Variants in XRCC4 observed in about 807,000 individuals in gnomAD.
The protein encoded by XRCC4 is X-ray repair cross complementing 4.
In XRCC4, 28 loss-of-function variants were observed where a neutral mutation model predicts 39.1. The ratio of observed to expected loss-of-function variants is 0.72; its 90% confidence interval spans 0.53 to 0.98. XRCC4 has a LOEUF of 0.98. Ranked by LOEUF, XRCC4 falls within the 50% of genes least tolerant of loss-of-function variation. The pLI, the probability that XRCC4 is intolerant of heterozygous loss-of-function variation, is 0.00. For missense variants in XRCC4, 350 were observed against 376.4 expected (o/e 0.93, Z 0.58); for synonymous variants, 123 against 126.4 (o/e 0.97, Z 0.18).
intron 7 of XRCC4, among the ~76,000 whole-genome samples, chr5:83,298,599 CT>C (rs36110580): frequency 0.16 from 24,288 of 151,812 alleles, 2,413 homozygotes; most frequent in Non-Finnish European, 0.23. Context: ...TACTTTTCTA[CT>C]TTATGTGTCC....
intron 4 of XRCC4, among the ~76,000 whole-genome samples, chr5:83,196,618 G>T (rs1222764346): frequency 6.6e-6 from 1 of 151,730 alleles, no homozygotes; most frequent in East Asian, 1.9e-4. Flanking sequence ...TAAAATGCAT[G>T]TTGTGAACAC....
intron 1 of XRCC4, among the ~76,000 whole-genome samples, chr5:83,087,470 A>G (rs1745234453): frequency 1.3e-5 from 2 of 150,206 alleles, no homozygotes; most frequent in Non-Finnish European, 3.0e-5. Context: ...TGAGACCAGC[A>G]TGGCCAACAT....
rs548242883 is a variant in XRCC4 at position 83,252,789 on chromosome 5, A to G, written c.746-5741A>G. The stretch of plus-strand genomic sequence containing the variant: ...CTCACTCCACTTTACCCTACATCTC[A>G]TCTGGAGGTTTATAAGTAAGTTTTT... On this transcript the variant is annotated intron_variant, in intron 6 of 7. Transcript: ENST00000396027. Among the ~76,000 whole-genome samples, 30 of 152,270 alleles carry G rather than the reference A, an allele frequency of 2.0e-4. No individual in the cohort carries two copies. The South Asian group carries it at 5.8e-3, about 29-fold the overall frequency.
intron 6 of XRCC4, among the ~76,000 whole-genome samples, chr5:83,251,506 A>G (rs907408553): frequency 1.3e-5 from 2 of 148,702 alleles, no homozygotes; most frequent in East Asian, 2.0e-4. Context: ...CCTGGGCGAC[A>G]GAACGAGACT....
chr5:83,236,027 C>G (rs541832743), intron 6 of XRCC4, among the ~76,000 whole-genome samples: 1 of 152,024 alleles, frequency 6.6e-6, no homozygotes, highest in South Asian at 2.1e-4. Context: ...TGAAAGATCT[C>G]TACAATGAGA....
chr5:83,332,360 T>G (rs1488893785), intron 7 of XRCC4, among the ~76,000 whole-genome samples: 1 of 152,152 alleles, frequency 6.6e-6, no homozygotes, highest in East Asian at 1.9e-4. Context: ...ATTGGACATA[T>G]GTATGTAGGC....
intron 3 of XRCC4, among the ~76,000 whole-genome samples, chr5:83,167,565 A>G (rs983866470): frequency 2.6e-5 from 4 of 152,142 alleles, no homozygotes; most frequent in East Asian, 1.9e-4. Context: ...CATAAACTCT[A>G]TGGACTTGGG....
intron 7 of XRCC4, among the ~76,000 whole-genome samples, chr5:83,326,686 T>A (rs1258583612): frequency 1.3e-5 from 2 of 152,102 alleles, no homozygotes; most frequent in Non-Finnish European, 2.9e-5. Context: ...TAATGTACAG[T>A]TACATTTCTT....
intron 1 of XRCC4, among the ~76,000 whole-genome samples, chr5:83,093,486 A>G (rs1262673985): frequency 6.6e-6 from 1 of 152,212 alleles, no homozygotes; most frequent in South Asian, 2.1e-4. Context: ...AGAGTATTCC[A>G]TCTTAACACC....
rs151332331 is a variant in XRCC4 at position 83,204,822 on chromosome 5, G to A, written c.646G>A (p.Ala216Thr). The part of the protein sequence containing the change: ...EKDIKQEGET[A>T]ICSEMTADRD... Reference sequence around the variant, plus strand: ...ACCTTTCTCTGTTTCTAGGGAAACTGCAATCTGTTCTGAAATGACTGCTGA... The same window carrying A: ...ACCTTTCTCTGTTTCTAGGGAAACTACAATCTGTTCTGAAATGACTGCTGA... Residue 216 changes from alanine to threonine, a missense_variant, in exon 6 of 8, where the codon GCA (alanine) becomes ACA (threonine). Physicochemically the swap from Ala to Thr is moderately conservative, Grantham distance 58. Coordinates refer to ENST00000396027, the MANE Select transcript of XRCC4 (RefSeq NM_003401.5). 3 of 1,607,066 alleles carry A rather than the reference G, an allele frequency of 1.9e-6. No homozygotes were observed. Among genetic ancestry groups the A allele is most frequent in the Non-Finnish European group, 2.6e-6 (3 of 1,175,500 alleles).
At chr5:83,211,142 C>G (rs1288560793) in intron 6 of XRCC4, among the ~76,000 whole-genome samples, 3 of 152,198 alleles carry the variant, frequency 2.0e-5, no homozygotes, top group African/African-American at 7.2e-5. Flanking sequence ...AATATGAGAA[C>G]TGTTTATTCT....
intron 6 of XRCC4, among the ~76,000 whole-genome samples, chr5:83,247,672 C>G (rs929043527): frequency 6.6e-6 from 1 of 152,062 alleles, no homozygotes; most frequent in African/African-American, 2.4e-5. Flanking sequence ...AATTGAAAAC[C>G]TTGAGTGATT....
chr5:83,314,657 C>T (rs1287983021), intron 7 of XRCC4, among the ~76,000 whole-genome samples: 1 of 152,050 alleles, frequency 6.6e-6, no homozygotes, highest in African/African-American at 2.4e-5. Flanking sequence ...TTCACTATAC[C>T]TCAAACTTTT....
rs1554065873 is a variant in XRCC4 at position 83,218,062 on chromosome 5, T to TATATATATATA, written c.745+13141_745+13142insATATATATATA. On this transcript the variant is annotated intron_variant, in intron 6 of 7. Transcript: ENST00000396027. ...TTGAACTTCTCAGTCTTTACCTTTT[T>TATATATATATA]TATATATATATATATATTTATTAGA... is the stretch of plus-strand genomic sequence containing the variant. Among the ~76,000 whole-genome samples the TATATATATATA allele has an allele frequency of 2.4e-3, 357 of 147,606 alleles. 4 individuals carry two copies. Among genetic ancestry groups the TATATATATATA allele is most frequent in the African/African-American group, 7.2e-3 (289 of 39,870 alleles).
chr5:83,366,191 C>T, the XRCC4 span, among the ~76,000 whole-genome samples: 1 of 152,154 alleles, frequency 6.6e-6, no homozygotes, highest in Non-Finnish European at 1.5e-5. Flanking sequence ...ATCTCCAAAT[C>T]ATTATTCAAA....
chr5:83,205,041 G>T, intron 6 of XRCC4, 120 bp downstream of exon 6: 1 of 664,206 alleles, frequency 1.5e-6, no homozygotes, highest in South Asian at 3.0e-5. Context: ...AAATTCTTTA[G>T]CATTTTTATT....
chr5:83,327,487 C>A (rs1169563487), intron 7 of XRCC4, among the ~76,000 whole-genome samples: 1 of 125,754 alleles, frequency 8.0e-6, no homozygotes, highest in Non-Finnish European at 1.6e-5. Flanking sequence ...TTAAATTTAG[C>A]TGTTATTTTA....
At chr5:83,082,491 C>T (rs1254109322) in intron 1 of XRCC4, among the ~76,000 whole-genome samples, 1 of 152,158 alleles carries the variant, frequency 6.6e-6, no homozygotes, top group African/African-American at 2.4e-5. Context: ...ATCTTTGTAA[C>T]CCTTCTGTAA....
At chr5:83,206,779 G>A (rs1751438824) in intron 6 of XRCC4, among the ~76,000 whole-genome samples, 1 of 152,126 alleles carries the variant, frequency 6.6e-6, no homozygotes, top group South Asian at 2.1e-4. Context: ...CTGGAAATCT[G>A]TCTCTAAAAA....
Sources: allele counts gnomAD v4.1 joint callset (sites outside exome capture counted in the v4.1 genomes callset), GRCh38; gene constraint gnomAD v4.1.1; transcripts MANE v1.5; gene names NCBI Gene and HGNC (gene_info 2026-07-23, HGNC 2026-07-21).